CLVS2: variants seen among roughly 807,000 people sequenced by gnomAD.
The protein encoded by CLVS2 is clavesin-2.
A neutral mutation model predicts 29.0 loss-of-function variants in CLVS2; 19 were observed. The observed-to-expected ratio is 0.66, with a 90% CI of 0.46 to 0.96. The LOEUF is 0.96. Ranked by LOEUF, CLVS2 falls within the 40% of genes least tolerant of loss-of-function variation. The pLI, the probability that CLVS2 is intolerant of heterozygous loss-of-function variation, is 0.00. For missense variants in CLVS2, 294 were observed against 404.1 expected (o/e 0.73, Z 2.34); for synonymous variants, 161 against 151.3 (o/e 1.06, Z -0.47).
intron 4 of CLVS2, among the ~76,000 whole-genome samples, chr6:123,050,493 G>A (rs896825068): frequency 3.3e-5 from 5 of 152,148 alleles, no homozygotes; most frequent in East Asian, 3.9e-4. Flanking sequence ...CTAGCAGATC[G>A]TAGAGCCGGA....
intron 3 of CLVS2, among the ~76,000 whole-genome samples, chr6:123,036,934 C>T (rs969461999): frequency 2.0e-5 from 3 of 152,092 alleles, no homozygotes; most frequent in Non-Finnish European, 4.4e-5. Context: ...ACACGTTAGT[C>T]GAGCCAACTC....
At chr6:123,047,871 A>T (rs917244195) in intron 3 of CLVS2, among the ~76,000 whole-genome samples, 4 of 152,158 alleles carry the variant, frequency 2.6e-5, no homozygotes, top group Admixed American at 1.3e-4. Context: ...AAATGTTGCC[A>T]TTCATTTGGG....
chr6:123,061,751 C>T (rs1160259363), intron 5 of CLVS2, among the ~76,000 whole-genome samples: 1 of 152,102 alleles, frequency 6.6e-6, no homozygotes, highest in Non-Finnish European at 1.5e-5. Context: ...TATATGTGAG[C>T]ATGTCTGTAT....
At chr6:123,012,096 C>A (rs1336656447) in intron 3 of CLVS2, among the ~76,000 whole-genome samples, 1 of 151,904 alleles carries the variant, frequency 6.6e-6, no homozygotes, top group Non-Finnish European at 1.5e-5. Flanking sequence ...ATAAGACACA[C>A]TGATGTTTCT....
At chr6:123,023,645 C>A (rs1461593748) in intron 3 of CLVS2, among the ~76,000 whole-genome samples, 3 of 151,984 alleles carry the variant, frequency 2.0e-5, no homozygotes, top group African/African-American at 7.2e-5. Context: ...CTAGGAAAAT[C>A]ACATTTTGAT....
chr6:123,058,624 C>A (rs1229976259), intron 5 of CLVS2, among the ~76,000 whole-genome samples: 1 of 152,040 alleles, frequency 6.6e-6, no homozygotes, highest in African/African-American at 2.4e-5. Context: ...TGAATCAGAC[C>A]ATGTCACATC....
intron 2 of CLVS2, among the ~76,000 whole-genome samples, chr6:123,007,714 C>T (rs142205535): frequency 6.6e-6 from 1 of 152,270 alleles, no homozygotes; most frequent in African/African-American, 2.4e-5. Flanking sequence ...CTTCTTACTG[C>T]ATGCTACACA....
chr6:123,044,593 A>T (rs1562172313), intron 3 of CLVS2, among the ~76,000 whole-genome samples: 1 of 152,094 alleles, frequency 6.6e-6, no homozygotes, highest in African/African-American at 2.4e-5. Flanking sequence ...TTAGCTGCCC[A>T]CTGAATCTAC....
chr6:123,018,109 A>G (rs1774863307), intron 3 of CLVS2, among the ~76,000 whole-genome samples: 1 of 152,136 alleles, frequency 6.6e-6, no homozygotes, highest in African/African-American at 2.4e-5. Context: ...TGAGCTAATG[A>G]CAAATGGATA....
chr6:123,041,246 TC>T (rs1775229117), intron 3 of CLVS2, among the ~76,000 whole-genome samples: 1 of 152,106 alleles, frequency 6.6e-6, no homozygotes. Context: ...TTGAAAACTC[TC>T]CCTGTCCAAA....
chr6:123,041,384 A>G (rs980229691), intron 3 of CLVS2, among the ~76,000 whole-genome samples: 8 of 152,338 alleles, frequency 5.3e-5, no homozygotes, highest in Admixed American at 1.3e-4. Flanking sequence ...ACAATTTTGT[A>G]AAACCTTAAG....
In CLVS2 at chr6:123,064,284, A is replaced by G. The variant is rs986625316; in HGVS notation, c.*523A>G. The G allele has an allele frequency of 5.9e-5, 9 of 152,128 alleles. No homozygotes were observed. The highest frequency in any genetic ancestry group is 1.9e-4 in the African/African-American group (8 of 41,398). 9.4% of individuals were successfully genotyped at this position (152,128 alleles called of 1,614,324 possible). ...ATGTATTTCCTGTCTAGTGATTTTC[A>G]TTTCAGAGAAATGTGTCTTAGTAAC... is the stretch of plus-strand genomic sequence containing the variant. On this transcript the variant is annotated 3_prime_UTR_variant, in exon 6 of 6. Coordinates refer to ENST00000275162, the MANE Select transcript of CLVS2 (RefSeq NM_001010852.4).
intron 4 of CLVS2, among the ~76,000 whole-genome samples, chr6:123,049,550 G>A (rs923652541): frequency 2.0e-5 from 3 of 152,150 alleles, no homozygotes; most frequent in Non-Finnish European, 2.9e-5. Context: ...AAGTTGCAGA[G>A]CTAGTATACA....
At chr6:123,006,327 T>A (rs893389593) in intron 2 of CLVS2, among the ~76,000 whole-genome samples, 3 of 152,064 alleles carry the variant, frequency 2.0e-5, no homozygotes, top group African/African-American at 7.2e-5. Flanking sequence ...ACAAGAAGTA[T>A]GGTTATTAAG....
chr6:123,007,652 A>T (rs910586753), intron 2 of CLVS2, among the ~76,000 whole-genome samples: 1 of 152,166 alleles, frequency 6.6e-6, no homozygotes, highest in Non-Finnish European at 1.5e-5. Flanking sequence ...CAAGAGCAGT[A>T]TTCTACATAG....
chr6:123,031,625 A>G (rs1479849966), intron 3 of CLVS2, among the ~76,000 whole-genome samples: 1 of 152,204 alleles, frequency 6.6e-6, no homozygotes, highest in Non-Finnish European at 1.5e-5. Flanking sequence ...CCTAAGTTGT[A>G]CATCTTAAAT....
chr6:123,071,210 A>T lies in CLVS2; in HGVS notation c.*7449A>T, dbSNP rs565472877. ...CCAAAATGATTTCATGAGGATCCTA[A>T]TTTGTTTCAGCAAGTTATGTAACGG... On this transcript the variant is annotated 3_prime_UTR_variant, in exon 6 of 6. Coordinates refer to ENST00000275162, the MANE Select transcript of CLVS2 (RefSeq NM_001010852.4). 2 of 152,122 alleles carry T rather than the reference A, an allele frequency of 1.3e-5. No homozygotes were observed. The highest frequency in any genetic ancestry group is 4.1e-4 in the South Asian group (2 of 4,820). 9.4% of individuals were successfully genotyped at this position (152,122 alleles called of 1,614,324 possible).
intron 2 of CLVS2, among the ~76,000 whole-genome samples, chr6:123,008,797 A>G (rs1202446717): frequency 1.3e-5 from 2 of 151,804 alleles, no homozygotes; most frequent in Non-Finnish European, 2.9e-5. Flanking sequence ...TCAGGCCATT[A>G]TGTTTAAAAT....
chr6:123,001,329 G>A (rs1215357424), intron 2 of CLVS2, among the ~76,000 whole-genome samples: 1 of 152,080 alleles, frequency 6.6e-6, no homozygotes, highest in Non-Finnish European at 1.5e-5. Flanking sequence ...GCCTTTTTGA[G>A]AGACATGGCA....
Sources: allele counts gnomAD v4.1 joint callset (sites outside exome capture counted in the v4.1 genomes callset), GRCh38; gene constraint gnomAD v4.1.1; transcripts MANE v1.5; gene names NCBI Gene and HGNC (gene_info 2026-07-23, HGNC 2026-07-21).